ZNF850: variants seen among roughly 807,000 people sequenced by gnomAD.
ZNF850 encodes the protein putative zinc finger protein ENSP00000330994.
In ZNF850, 2 loss-of-function variants were observed where a neutral mutation model predicts 11.9. That is an observed-to-expected ratio of 0.17 (90% CI 0.07 to 0.53). ZNF850 has a LOEUF of 0.53. Ranked by LOEUF, ZNF850 falls within the 20% of genes least tolerant of loss-of-function variation. ZNF850 has a pLI of 0.94. For missense variants in ZNF850, 1,014 were observed against 1,316.4 expected (o/e 0.77, Z 3.55); for synonymous variants, 381 against 443.0 (o/e 0.86, Z 1.76).
intron 4 of ZNF850, among the ~76,000 whole-genome samples, chr19:36,759,731 AT>A (rs927938607): frequency 1.3e-5 from 2 of 152,140 alleles, no homozygotes; most frequent in South Asian, 2.1e-4. Flanking sequence ...TTAAAAAAAA[AT>A]TTTTTTGTAA....
chr19:36,770,703 C>CAAAAAAAAAAAAAAAAAAA (rs567709722), intron 1 of ZNF850, among the ~76,000 whole-genome samples: 4 of 66,612 alleles, frequency 6.0e-5, no homozygotes, highest in Non-Finnish European at 9.4e-5. Context: ...GAGACTCCAT[C>CAAAAAAAAAAAAAAAAAAA]AAAAAAAAAA....
intron 4 of ZNF850, 148 bp from the exon 5 acceptor site, chr19:36,750,952 G>T (rs1292292347): frequency 2.3e-6 from 2 of 872,856 alleles, no homozygotes; most frequent in Non-Finnish European, 3.4e-6. Flanking sequence ...TGTAATCCCA[G>T]CGCTTTGGGA....
rs2040398042 is a variant in ZNF850 at position 36,744,189 on chromosome 19, A to G, written c.*3578T>C. On this transcript the variant is annotated 3_prime_UTR_variant, in exon 5 of 5. Transcript: ENST00000591344. ...CAAAACTCCCGTCTCAAAAAAAAAA[A>G]AAAGGATTTACCCCAAATAGATCAT... 3 of 151,680 alleles carry G rather than the reference A, an allele frequency of 2.0e-5. No individual in the cohort carries two copies. The highest frequency in any genetic ancestry group is 7.3e-5 in the African/African-American group (3 of 41,250). The allele number at this position is 151,680 out of a possible 1,614,324, so 9.4% of individuals were successfully genotyped here. A position where few individuals can be genotyped will look rare whatever the true frequency, so the allele number is the denominator to read the frequency against.
At chr19:36,770,562 C>T (rs1448898453) in intron 1 of ZNF850, among the ~76,000 whole-genome samples, 3 of 151,746 alleles carry the variant, frequency 2.0e-5, no homozygotes, top group Admixed American at 6.6e-5. Flanking sequence ...AAAAATTAGC[C>T]GGGCGTGGTG....
chr19:36,744,633 A>AAAG lies in ZNF850; in HGVS notation c.*3131_*3133dup, dbSNP rs1391521380. The stretch of plus-strand genomic sequence containing the variant: ...ACAGCAAAAACCTGTCACACATGAA[A>AAAG]AAGACAACTGTGAACTGTAAAAAGC... On this transcript the variant is annotated 3_prime_UTR_variant, in exon 5 of 5. Coordinates refer to ENST00000591344, the MANE Select transcript of ZNF850 (RefSeq NM_001193552.2). 6.6e-6 allele frequency: 1 copy of AAAG among 151,570 alleles called. No homozygotes were observed. Among genetic ancestry groups the AAAG allele is most frequent in the African/African-American group, 2.4e-5 (1 of 41,332 alleles). 9.4% of individuals were successfully genotyped at this position (151,570 alleles called of 1,614,324 possible). A position where few individuals can be genotyped will look rare whatever the true frequency, so the allele number is the denominator to read the frequency against.
In ZNF850 at chr19:36,753,015, A is replaced by G. The variant is rs577981434; in HGVS notation, c.236-2211T>C. Among the ~76,000 whole-genome samples the G allele has an allele frequency of 5.6e-4, 85 of 152,128 alleles. 1 individual carries two copies. In the Middle Eastern group the frequency reaches 0.02, roughly 37 times the overall value. Reference sequence around the variant, plus strand: ...CCAGGTGCGGTGGCACACGCCTGTAATCTCAGCACTTTGGGAGTCTGAGGC... The same window carrying G: ...CCAGGTGCGGTGGCACACGCCTGTAGTCTCAGCACTTTGGGAGTCTGAGGC... On this transcript the variant is annotated intron_variant, in intron 4 of 4. Coordinates refer to ENST00000591344, the MANE Select transcript of ZNF850 (RefSeq NM_001193552.2).
Position 36,748,884 on chromosome 19 carries a change from T to C in ZNF850, c.2156A>G (p.His719Arg), listed in dbSNP as rs1178485681. ...TTTCTCATCAGTGTGATTTTGCTGA[T>C]GTTGAATTAGTCCTGAGCAGAAAGT... ...SFTFCSGLIQ[H>R]QQNHTDEKPY... The change falls in exon 5 of 5, where the codon CAT (histidine) becomes CGT (arginine). Residue 719 changes from histidine (H) to arginine (R), a missense_variant. Physicochemically the swap from His to Arg is conservative, Grantham distance 29. Around this residue, in one of 2 missense-constraint regions of ZNF850, gnomAD observed 835 missense variants for 1,022.0 expected, o/e 0.82. Coordinates refer to ENST00000591344, the MANE Select transcript of ZNF850 (RefSeq NM_001193552.2). The C allele has an allele frequency of 6.4e-7, 1 of 1,554,570 alleles. No homozygotes were observed. Among genetic ancestry groups the C allele is most frequent in the Non-Finnish European group, 8.7e-7 (1 of 1,152,976 alleles).
At chr19:36,754,780 C>A (rs183848845) in intron 4 of ZNF850, among the ~76,000 whole-genome samples, 2 of 152,160 alleles carry the variant, frequency 1.3e-5, no homozygotes, top group Admixed American at 1.3e-4. Context: ...TGGTCTTGAG[C>A]TACTGACCTT....
intron 4 of ZNF850, among the ~76,000 whole-genome samples, chr19:36,760,001 T>G (rs1304543324): frequency 6.6e-6 from 1 of 152,250 alleles, no homozygotes. Context: ...TGTCCTCTTT[T>G]ATACACAATC....
At chr19:36,754,617 A>G (rs943979069) in intron 4 of ZNF850, among the ~76,000 whole-genome samples, 5 of 151,950 alleles carry the variant, frequency 3.3e-5, no homozygotes, top group South Asian at 2.1e-4. Flanking sequence ...GTACAGTGGC[A>G]CGATCTCAGC....
chr19:36,755,700 A>C (rs2040481838), intron 4 of ZNF850, among the ~76,000 whole-genome samples: 4 of 151,618 alleles, frequency 2.6e-5, no homozygotes, highest in South Asian at 4.1e-4. Flanking sequence ...AATAAAAAAA[A>C]AAAACAAAAA....
chr19:36,745,861 A>G lies in ZNF850; in HGVS notation c.*1906T>C, dbSNP rs2040408902. 6.6e-6 allele frequency: 1 copy of G among 152,228 alleles called. No individual in the cohort carries two copies. The highest frequency in any genetic ancestry group is 6.6e-5 in the Admixed American group (1 of 15,266). 9.4% of individuals were successfully genotyped at this position (152,228 alleles called of 1,614,324 possible). A position where few individuals can be genotyped will look rare whatever the true frequency, so the allele number is the denominator to read the frequency against. On this transcript the variant is annotated 3_prime_UTR_variant, in exon 5 of 5. Coordinates refer to ENST00000591344, the MANE Select transcript of ZNF850 (RefSeq NM_001193552.2). ...AGCAAGACTCCAACTCTACTGAAAT[A>G]AAAAATAAAAACTTAGCTGGGTGTC...
Position 36,748,545 on chromosome 19 carries a change from C to T in ZNF850, c.2495G>A (p.Arg832Gln), listed in dbSNP as rs775687469. The change falls in exon 5 of 5, where the codon CGG becomes CAG. Residue 832 changes from arginine to glutamine, a missense_variant. By Grantham distance (43) the Arg-to-Gln change is conservative (BLOSUM62 1). This residue lies in a region of ZNF850 where 835 missense variants were observed against 1,022.0 expected (regional missense o/e 0.82). Coordinates refer to ENST00000591344, the MANE Select transcript of ZNF850 (RefSeq NM_001193552.2). ...FTLRSALIQH[R>Q]PVHTGEKRYS... ...GCGTTTCTCACCAGTGTGAACTGGC[C>T]GATGTTGAATTAGTGCTGAGCGAAG... is the stretch of plus-strand genomic sequence containing the variant. The T allele has an allele frequency of 2.4e-5, 37 of 1,533,370 alleles. No homozygotes were observed. The highest frequency in any genetic ancestry group is 7.4e-5 in the East Asian group (3 of 40,680). The allele number at this position is 1,533,370 out of a possible 1,614,324, so 95.0% of individuals were successfully genotyped here. A position where few individuals can be genotyped will look rare whatever the true frequency, so the allele number is the denominator to read the frequency against.
chr19:36,755,852 C>T (rs1463415292), intron 4 of ZNF850, among the ~76,000 whole-genome samples: 1 of 150,010 alleles, frequency 6.7e-6, no homozygotes, highest in Non-Finnish European at 1.5e-5. Context: ...AAAGTCTTGA[C>T]ACCACTAGTA....
chr19:36,752,609 G>A (rs1280124305), intron 4 of ZNF850, among the ~76,000 whole-genome samples: 1 of 152,110 alleles, frequency 6.6e-6, no homozygotes, highest in Non-Finnish European at 1.5e-5. Flanking sequence ...CCAGATATGT[G>A]CTTCTTGATG....
rs1484033258 is a variant in ZNF850 at position 36,746,926 on chromosome 19, G to A, written c.*841C>T. ...CCAGCACTTTGGGAGGCCGAGGTAG[G>A]GGGATCACGAGGTCAAAAGTTTGAG... On this transcript the variant is annotated 3_prime_UTR_variant, in exon 5 of 5. Transcript: ENST00000591344. 1 of 152,034 alleles carries A rather than the reference G, an allele frequency of 6.6e-6. No homozygotes were observed. Among genetic ancestry groups the A allele is most frequent in the African/African-American group, 2.4e-5 (1 of 41,410 alleles). The allele number at this position is 152,034 out of a possible 1,614,324, so 9.4% of individuals were successfully genotyped here.
Position 36,748,974 on chromosome 19 carries a change from T to G in ZNF850, c.2066A>C (p.Asn689Thr). 1 of 1,600,162 alleles carries G rather than the reference T, an allele frequency of 6.2e-7. No homozygotes were observed. The highest frequency in any genetic ancestry group is 8.5e-7 in the Non-Finnish European group (1 of 1,174,364). Residue 689 changes from asparagine to threonine, a missense_variant, in exon 5 of 5, where the codon AAT becomes ACT. Around this residue, in one of 2 missense-constraint regions of ZNF850, gnomAD observed 835 missense variants for 1,022.0 expected, o/e 0.82. Coordinates refer to ENST00000591344, the MANE Select transcript of ZNF850 (RefSeq NM_001193552.2). ...ACCAGTATGAATTCTCCGATGTTGA[T>G]TAAGGTATGTACGCTGTCTAAAGGC... ...GKAFRQRTYL[N>T]QHRRIHTGEK...
At chr19:36,765,005 G>C (rs1476408831) in intron 1 of ZNF850, among the ~76,000 whole-genome samples, 1 of 151,864 alleles carries the variant, frequency 6.6e-6, no homozygotes, top group Non-Finnish European at 1.5e-5. Context: ...TTTCTAACTT[G>C]CCCCCTGTAT....
intron 4 of ZNF850, among the ~76,000 whole-genome samples, chr19:36,758,347 A>G (rs2040499264): frequency 6.6e-6 from 1 of 152,192 alleles, no homozygotes; most frequent in Non-Finnish European, 1.5e-5. Flanking sequence ...ACAAAAGCTC[A>G]TGGATTAAAA....
Sources: allele counts gnomAD v4.1 joint callset (sites outside exome capture counted in the v4.1 genomes callset), GRCh38; gene constraint gnomAD v4.1.1; regional missense constraint gnomAD v4.1.1; transcripts MANE v1.5; gene names NCBI Gene and HGNC (gene_info 2026-07-23, HGNC 2026-07-21).